Variants in DPP6 observed in about 807,000 individuals in gnomAD.
DPP6 encodes the protein A-type potassium channel modulatory protein DPP6.
A neutral mutation model predicts 122.6 loss-of-function variants in DPP6; 69 were observed. The observed-to-expected ratio is 0.56, with a 90% CI of 0.46 to 0.69. The LOEUF (loss-of-function observed/expected upper bound fraction) is 0.69, where lower values mean the gene tolerates loss of function less well. DPP6 is among the 30% of genes least tolerant of loss of function. DPP6 has a pLI of 0.00. For synonymous variants in DPP6, 418 were observed against 433.1 expected (o/e 0.97, Z 0.43); for missense variants, 928 against 1,116.9 (o/e 0.83, Z 2.41).
intron 1 of DPP6, among the ~76,000 whole-genome samples, chr7:153,890,930 T>C (rs1400472834): frequency 6.7e-6 from 1 of 148,596 alleles, no homozygotes; most frequent in Non-Finnish European, 1.5e-5. Flanking sequence ...ACCCCTGACC[T>C]CAGGTAATCT....
intron 1 of DPP6, among the ~76,000 whole-genome samples, chr7:153,970,586 C>G (rs1416838960): frequency 4.6e-5 from 7 of 152,072 alleles, no homozygotes; most frequent in African/African-American, 1.7e-4. Flanking sequence ...GGTCATTAAG[C>G]TTTATTTTGT....
chr7:154,840,918 G>A (rs1005056716), intron 16 of DPP6, among the ~76,000 whole-genome samples: 12 of 152,080 alleles, frequency 7.9e-5, no homozygotes, highest in Admixed American at 2.0e-4. Context: ...TCATCCTATC[G>A]GCGACTGTCA....
intron 1 of DPP6, among the ~76,000 whole-genome samples, chr7:154,165,817 A>G (rs867440192): frequency 3.5e-4 from 54 of 152,188 alleles, no homozygotes; most frequent in African/African-American, 8.0e-4. Context: ...TTTGAGAAGT[A>G]TCTGTTCATG....
the DPP6 span, among the ~76,000 whole-genome samples, chr7:153,818,755 C>CT: frequency 6.6e-6 from 1 of 151,770 alleles, no homozygotes; most frequent in African/African-American, 2.4e-5. Context: ...AGATTTGTGA[C>CT]TTTTTCTTTT....
At chr7:154,105,255 C>T (rs563789353) in intron 1 of DPP6, among the ~76,000 whole-genome samples, 2 of 152,340 alleles carry the variant, frequency 1.3e-5, no homozygotes, top group Admixed American at 6.5e-5. Context: ...TGAGGTGATG[C>T]TGTGTTCCTT....
At chr7:154,397,629 T>C (rs1160716552) in intron 1 of DPP6, among the ~76,000 whole-genome samples, 1 of 152,206 alleles carries the variant, frequency 6.6e-6, no homozygotes, top group African/African-American at 2.4e-5. Flanking sequence ...TTCATGCTGT[T>C]AATACTTCAT....
intron 1 of DPP6, chr7:154,305,050 C>CCCAGCCCCAG (rs1563443457): frequency 3.1e-5 from 3 of 98,266 alleles, no homozygotes; most frequent in African/African-American, 1.6e-4. Context: ...CAGCCCCAGC[C>CCCAGCCCCAG]CCAGCCCCAG....
chr7:153,799,208 T>C, the DPP6 span, among the ~76,000 whole-genome samples: 1 of 152,292 alleles, frequency 6.6e-6, no homozygotes, highest in Non-Finnish European at 1.5e-5. Flanking sequence ...TTCTTCACCT[T>C]CACAGTTGAT....
Position 154,875,325 on chromosome 7 carries a change from G to A in DPP6, c.1884-581G>A, listed in dbSNP as rs964161576. On this transcript the variant is annotated intron_variant, in intron 19 of 25. Coordinates refer to ENST00000377770, the MANE Select transcript of DPP6 (RefSeq NM_130797.4). The surrounding 1 kb of genome is among the most constrained non-coding windows in gnomAD (Gnocchi z 4.5). ...GAGCTGGGAGGAGAGCACAGTGGGA[G>A]CCGCCAGCCCAGGTCGGAGGCCACA... Among the ~76,000 whole-genome samples the A allele has an allele frequency of 6.6e-6, 1 of 152,192 alleles. No individual in the cohort carries two copies. The highest frequency in any genetic ancestry group is 1.5e-5 in the Non-Finnish European group (1 of 68,032).
intron 7 of DPP6, among the ~76,000 whole-genome samples, chr7:154,699,163 G>T (rs1195368022): frequency 6.6e-6 from 1 of 152,178 alleles, no homozygotes; most frequent in Non-Finnish European, 1.5e-5. Context: ...GATGATCCGG[G>T]AGACTTAGCC....
At chr7:153,764,215 A>T in the DPP6 span, among the ~76,000 whole-genome samples, 1 of 152,104 alleles carries the variant, frequency 6.6e-6, no homozygotes, top group Admixed American at 6.5e-5. Context: ...CCTCTCTCTG[A>T]GCTTGAGTGG....
At chr7:154,538,625 T>C (rs996188072) in intron 3 of DPP6, among the ~76,000 whole-genome samples, 1 of 152,224 alleles carries the variant, frequency 6.6e-6, no homozygotes, top group Non-Finnish European at 1.5e-5. Flanking sequence ...TAAAAGCTAA[T>C]GGACGAAGGG....
Position 154,820,331 on chromosome 7 carries a change from G to A in DPP6, c.1666+13219G>A, listed in dbSNP as rs1040203915. Among the ~76,000 whole-genome samples the A allele has an allele frequency of 4.6e-5, 7 of 152,272 alleles. No homozygotes were observed. In the East Asian group the frequency reaches 9.6e-4, roughly 21 times the overall value. On this transcript the variant is annotated intron_variant, in intron 16 of 25. Coordinates refer to ENST00000377770, the MANE Select transcript of DPP6 (RefSeq NM_130797.4). The stretch of plus-strand genomic sequence containing the variant: ...AATATCCTCCGAGAGATTCCAGAAG[G>A]CGTCACCTTTACCACACAGAGCGGT...
intron 1 of DPP6, among the ~76,000 whole-genome samples, chr7:154,123,722 C>G (rs1339640871): frequency 6.7e-6 from 1 of 149,038 alleles, no homozygotes; most frequent in Non-Finnish European, 1.5e-5. Context: ...CGGGGCTTAC[C>G]TGGGGACAGT....
At chr7:153,755,912 G>A in the DPP6 span, among the ~76,000 whole-genome samples, 3 of 152,102 alleles carry the variant, frequency 2.0e-5, no homozygotes, top group Non-Finnish European at 1.5e-5. Context: ...CAGGCTATGG[G>A]ACATGGCAAA....
At chr7:154,315,297 G>A (rs542887624) in intron 1 of DPP6, among the ~76,000 whole-genome samples, 11 of 152,284 alleles carry the variant, frequency 7.2e-5, no homozygotes, top group African/African-American at 2.6e-4. Context: ...GTACACATTG[G>A]GGGTTTGGCC....
chr7:153,834,803 C>A, the DPP6 span, among the ~76,000 whole-genome samples: 87 of 151,788 alleles, frequency 5.7e-4, 1 homozygote, highest in African/African-American at 1.9e-3. Context: ...AGAGAAACAA[C>A]GTGGCAAATG....
chr7:154,632,298 T>C (rs1835453033), intron 5 of DPP6, among the ~76,000 whole-genome samples: 1 of 152,180 alleles, frequency 6.6e-6, no homozygotes, highest in Admixed American at 6.5e-5. Context: ...CGGTAGCTTC[T>C]TTGTAGGAGA....
At chr7:154,277,493 G>A (rs921222682) in intron 1 of DPP6, among the ~76,000 whole-genome samples, 3 of 152,222 alleles carry the variant, frequency 2.0e-5, no homozygotes, top group African/African-American at 7.2e-5. Context: ...GCTGGGCATG[G>A]AGGCTCACGC....
Sources: gnomAD v4.1 joint callset for allele counts (sites outside exome capture counted in the v4.1 genomes callset) on GRCh38, gnomAD v4.1.1 for gene constraint, Gnocchi (gnomAD v3.1) non-coding constraint, MANE v1.5 for transcripts, NCBI Gene and HGNC (gene_info 2026-07-23, HGNC 2026-07-21) for gene names.